GRIK2: variants seen among roughly 807,000 people sequenced by gnomAD.
The protein encoded by GRIK2 is glutamate ionotropic receptor kainate type subunit 2.
Under a neutral mutation model 100.3 loss-of-function variants are expected in GRIK2, and 32 were observed. The observed-to-expected ratio is 0.32, with a 90% CI of 0.24 to 0.43. The LOEUF (loss-of-function observed/expected upper bound fraction) is 0.43, where lower values mean the gene tolerates loss of function less well. GRIK2 is among the 20% of genes least tolerant of loss of function. GRIK2 has a pLI of 1.00. For missense variants in GRIK2, 843 were observed against 1,114.9 expected (o/e 0.76, Z 3.47); for synonymous variants, 417 against 389.4 (o/e 1.07, Z -0.83).
rs532144742 is a variant in GRIK2, at chr6:101,642,636, T to G, written c.541+15999T>G. Among the ~76,000 whole-genome samples, 74 of 151,862 alleles carry G rather than the reference T, an allele frequency of 4.9e-4. 1 individual carries two copies. The highest frequency in any genetic ancestry group is 7.7e-4 in the Non-Finnish European group (52 of 67,700). On this transcript the variant is annotated intron_variant, in intron 4 of 16. Transcript: ENST00000369134. ...GTATGTGTCACATATTATTCATTCA[T>G]TCATCAAATACTTGGGTTGCTTCCA...
chr6:101,574,263 A>G (rs1036408146), intron 2 of GRIK2, among the ~76,000 whole-genome samples: 7 of 148,814 alleles, frequency 4.7e-5, no homozygotes, highest in Admixed American at 3.4e-4. Flanking sequence ...TAACTGTTGT[A>G]TAAATAAGCT....
chr6:101,933,396 T>C (rs1790411481), intron 14 of GRIK2, among the ~76,000 whole-genome samples: 1 of 151,980 alleles, frequency 6.6e-6, no homozygotes, highest in Non-Finnish European at 1.5e-5. Context: ...TGTCCTACCT[T>C]ACATGTAGCT....
At chr6:101,694,229 A>C (rs965854614) in intron 7 of GRIK2, among the ~76,000 whole-genome samples, 1 of 152,164 alleles carries the variant, frequency 6.6e-6, no homozygotes, top group African/African-American at 2.4e-5. Context: ...ATTGAACTTG[A>C]GAAAGCAAGT....
chr6:101,871,921 T>C (rs559027116), intron 11 of GRIK2, among the ~76,000 whole-genome samples: 16 of 152,038 alleles, frequency 1.1e-4, no homozygotes, highest in African/African-American at 3.9e-4. Flanking sequence ...CAAATGATAG[T>C]TCAACTCAGT....
intron 2 of GRIK2, among the ~76,000 whole-genome samples, chr6:101,493,436 C>T (rs1773249707): frequency 6.6e-6 from 1 of 151,878 alleles, no homozygotes; most frequent in South Asian, 2.1e-4. Context: ...ACAATGGAAG[C>T]CAGAAGTTAG....
At position 101,484,538 on chromosome 6, in the gene GRIK2, T is replaced by TACACACAC. The variant is rs138774364; in HGVS notation, c.115+85170_115+85177dup. ...AACATTTAAAATGTATATATGTAAC[T>TACACACAC]ACACACACACACACACACACACACA... is the stretch of plus-strand genomic sequence containing the variant. On this transcript the variant is annotated intron_variant, in intron 2 of 16. Coordinates refer to ENST00000369134, the MANE Select transcript of GRIK2 (RefSeq NM_021956.5). Among the ~76,000 whole-genome samples the TACACACAC allele has an allele frequency of 8.4e-3, 1,249 of 148,128 alleles. 18 individuals carry two copies. The highest frequency in any genetic ancestry group is 0.04 in the Admixed American group (587 of 14,762).
At chr6:101,686,102 A>C (rs1028211748) in intron 6 of GRIK2, 78 bp from the exon 7 acceptor site, 13 of 1,255,870 alleles carry the variant, frequency 1.0e-5, no homozygotes, top group Non-Finnish European at 1.4e-5. Context: ...AAAAAACAAA[A>C]AAAGTGACTA....
In GRIK2 at chr6:101,792,732, T is replaced by G. The variant is rs1426694672; in HGVS notation, c.952-6916T>G. 9.2e-5 allele frequency among the ~76,000 whole-genome samples: 14 copies of G among 152,268 alleles called. No homozygotes were observed. The South Asian group carries it at 2.5e-3, about 27-fold the overall frequency. On this transcript the variant is annotated intron_variant, in intron 7 of 16. Coordinates refer to ENST00000369134, the MANE Select transcript of GRIK2 (RefSeq NM_021956.5). ...AGTATCTTTGTGGTGTTCTCTGTAT[T>G]TCCTGAATCTGAATGTTGGCCTGCC...
At chr6:101,898,055 T>C (rs531050684) in intron 12 of GRIK2, among the ~76,000 whole-genome samples, 32 of 151,944 alleles carry the variant, frequency 2.1e-4, no homozygotes, top group African/African-American at 7.2e-4. Context: ...CAGATTATAT[T>C]TGAGAACTAT....
rs1433421771 is a variant in GRIK2 at position 101,925,943 on chromosome 6, CAATA to C, written c.1867+1230_1867+1233del. Reference sequence around the variant, plus strand: ...TGTCAAAAGAAAAAGTTTAATTTACCAATAAATAATCTTTAATACATATTGTAAG... The same window carrying C: ...TGTCAAAAGAAAAAGTTTAATTTACCAATAATCTTTAATACATATTGTAAG... On this transcript the variant is annotated intron_variant, in intron 13 of 16. Transcript: ENST00000369134. Among the ~76,000 whole-genome samples, 5 of 151,568 alleles carry C rather than the reference CAATA, an allele frequency of 3.3e-5. No homozygotes were observed. In the East Asian group the frequency reaches 5.8e-4, roughly 18 times the overall value.
chr6:101,420,304 G>T (rs1454308439), intron 2 of GRIK2, among the ~76,000 whole-genome samples: 1 of 152,120 alleles, frequency 6.6e-6, no homozygotes, highest in Non-Finnish European at 1.5e-5. Context: ...ACTTTTGCTT[G>T]CTTTTGAACA....
At chr6:101,520,290 T>A (rs2207955) in intron 2 of GRIK2, among the ~76,000 whole-genome samples, 62,881 of 151,186 alleles carry the variant, frequency 0.42, 13,337 homozygotes, top group South Asian at 0.57. Context: ...CTTCCTTAAT[T>A]TTGAATGTCT....
chr6:101,506,441 T>C (rs1774030193), intron 2 of GRIK2, among the ~76,000 whole-genome samples: 2 of 152,162 alleles, frequency 1.3e-5, no homozygotes, highest in Admixed American at 1.3e-4. Context: ...ATTTAAATGG[T>C]TTTTAAAATG....
chr6:101,554,928 T>C (rs2128293534), intron 2 of GRIK2, among the ~76,000 whole-genome samples: 1 of 152,302 alleles, frequency 6.6e-6, no homozygotes, highest in African/African-American at 2.4e-5. Context: ...GTGATGGAGC[T>C]GTGGTATAAC....
chr6:102,025,773 C>G (rs137918716), intron 14 of GRIK2, among the ~76,000 whole-genome samples: 1 of 151,122 alleles, frequency 6.6e-6, no homozygotes, highest in East Asian at 1.9e-4. Context: ...GGTAAATCTA[C>G]GCACACACAG....
At chr6:102,048,241 G>C (rs1770999828) in intron 15 of GRIK2, among the ~76,000 whole-genome samples, 1 of 151,758 alleles carries the variant, frequency 6.6e-6, no homozygotes, top group Non-Finnish European at 1.5e-5. Flanking sequence ...AGTAAGGTCA[G>C]AAATTGTAGA....
At chr6:101,592,540 A>G (rs1050736543) in intron 2 of GRIK2, among the ~76,000 whole-genome samples, 4 of 145,440 alleles carry the variant, frequency 2.8e-5, no homozygotes, top group Non-Finnish European at 4.5e-5. Flanking sequence ...TGTATCCTTC[A>G]GTGTTGAAAG....
intron 7 of GRIK2, among the ~76,000 whole-genome samples, chr6:101,760,632 A>ATG (rs1247884275): frequency 0.054 from 6,158 of 113,006 alleles, 998 homozygotes; most frequent in African/African-American, 0.097. Context: ...ATGTTTAATT[A>ATG]TATATAATTA....
chr6:101,889,361 G>GT (rs1045579395), intron 11 of GRIK2, among the ~76,000 whole-genome samples: 18 of 151,724 alleles, frequency 1.2e-4, no homozygotes, highest in African/African-American at 3.9e-4. Context: ...AGTTTCTTCA[G>GT]TTTTTTAATT....
Sources: allele counts gnomAD v4.1 joint callset (sites outside exome capture counted in the v4.1 genomes callset), GRCh38; gene constraint gnomAD v4.1.1; transcripts MANE v1.5; gene names NCBI Gene and HGNC (gene_info 2026-07-23, HGNC 2026-07-21).